TTC39A: variants seen among roughly 807,000 people sequenced by gnomAD.
TTC39A encodes the protein tetratricopeptide repeat protein 39A.
A neutral mutation model predicts 82.3 loss-of-function variants in TTC39A; 46 were observed. The observed-to-expected ratio is 0.56, with a 90% confidence interval of 0.44 to 0.71. The LOEUF is 0.71. Ranked by LOEUF, TTC39A falls within the 30% of genes least tolerant of loss-of-function variation. The pLI is 0.00. For missense variants in TTC39A, 543 were observed against 712.9 expected, an observed-to-expected ratio of 0.76 and a Z score of 2.71; for synonymous variants, 254 against 275.2, an observed-to-expected ratio of 0.92 and a Z score of 0.76.
chr1:51,334,279 G>A (rs1307672138), upstream of TTC39A, among the ~76,000 whole-genome samples: 2 of 151,814 alleles, frequency 1.3e-5, no homozygotes, highest in Non-Finnish European at 2.9e-5. Context: ...TGAGGTGGGC[G>A]GATCACCTGA....
intron 6 of TTC39A, among the ~76,000 whole-genome samples, chr1:51,308,329 T>A: frequency 6.7e-6 from 1 of 149,430 alleles, no homozygotes; most frequent in East Asian, 2.1e-4. Context: ...AACCTCCGCC[T>A]CCCTGGTTCA....
rs769403298 is a variant in TTC39A at position 51,321,704 on chromosome 1, C to A, written c.146+17G>T. The A allele has an allele frequency of 1.1e-5, 17 of 1,612,148 alleles. No homozygotes were observed. Among genetic ancestry groups the A allele is most frequent in the Admixed American group, 3.3e-5 (2 of 59,850 alleles). On this transcript the variant is annotated intron_variant, in intron 2 of 17. Transcript: ENST00000680483. The surrounding 1 kb of genome is among the most constrained non-coding windows in gnomAD (Gnocchi z 4.6). ...CGTCATGCACACCCCCTACCCCAAC[C>A]GGGGCTTGAGCCTCACCTGGGCTTG...
Position 51,305,289 on chromosome 1 carries a change from G to A in TTC39A, c.589-143C>T, listed in dbSNP as rs1442128118. The A allele has an allele frequency of 1.2e-5, 9 of 735,292 alleles. No individual in the cohort carries two copies. The South Asian group carries it at 1.5e-4, about 12-fold the overall frequency. The allele number at this position is 735,292 out of a possible 1,614,324, so 45.5% of individuals were successfully genotyped here. A position where few individuals can be genotyped will look rare whatever the true frequency, so the allele number is the denominator to read the frequency against. On this transcript the variant is annotated intron_variant, in intron 7 of 17. Coordinates refer to ENST00000680483, the MANE Select transcript of TTC39A (RefSeq NM_001297663.2). ...CTAACTTTGAAAGCCTCTAGCCAAT[G>A]TTTTCCAAAGCTCGGGCAGTAGATG...
Position 51,288,988 on chromosome 1 carries a change from C to A in TTC39A, c.1494-33G>T. 1 of 1,538,672 alleles carries A rather than the reference C, an allele frequency of 6.5e-7. No homozygotes were observed. Among genetic ancestry groups the A allele is most frequent in the East Asian group, 2.4e-5 (1 of 41,968 alleles). ...ACAGAGGACATGGCTCAGGTTCCTCCTCCTGAGCCTCTCCCAAACTGCATG... is the reference window on the plus strand; with the variant it reads ...ACAGAGGACATGGCTCAGGTTCCTCATCCTGAGCCTCTCCCAAACTGCATG... On this transcript the variant is annotated intron_variant, in intron 16 of 17. Transcript: ENST00000680483. The surrounding 1 kb of genome is among the most constrained non-coding windows in gnomAD (Gnocchi z 4.8).
chr1:51,296,306 T>A, intron 12 of TTC39A, 136 bp from the exon 13 acceptor site: 1 of 837,938 alleles, frequency 1.2e-6, no homozygotes. Context: ...GAAATGAAGG[T>A]AAGAAGCTGA....
intron 12 of TTC39A, 70 bp from the exon 13 acceptor site, chr1:51,296,240 G>A: frequency 6.8e-7 from 1 of 1,467,796 alleles, no homozygotes; most frequent in Non-Finnish European, 9.3e-7. Flanking sequence ...GGAATCTGCA[G>A]ACGGACCTCA....
At position 51,288,193 on chromosome 1, in the gene TTC39A, G is replaced by A; in HGVS notation, c.1698C>T (p.Asn566=). The change falls in exon 18 of 18, where the codon AAC becomes AAT. Residue 566 remains asparagine (N), a synonymous_variant. Coordinates refer to ENST00000680483, the MANE Select transcript of TTC39A (RefSeq NM_001297663.2). This position sits in a 1 kb window ranked among gnomAD's most constrained non-coding sequence, Gnocchi z 4.8. The stretch of plus-strand genomic sequence containing the variant: ...CTGATGAGACCATGGATCTGCTGCT[G>A]TTCTCTAGGGAAGACTTGGCTTGGA... ...ATLQAKSSLE[N]SSRSMVSSVS... The A allele has an allele frequency of 1.2e-6, 2 of 1,614,066 alleles. No individual in the cohort carries two copies. Among genetic ancestry groups the A allele is most frequent in the African/African-American group, 1.3e-5 (1 of 75,056 alleles).
chr1:51,325,037 C>T (rs111544455), intron 1 of TTC39A, among the ~76,000 whole-genome samples: 1 of 150,940 alleles, frequency 6.6e-6, no homozygotes, highest in Non-Finnish European at 1.5e-5. Context: ...GGCGGATCAC[C>T]TGAGGTCAGG....
At chr1:51,308,200 T>C (rs1644943788) in intron 6 of TTC39A, among the ~76,000 whole-genome samples, 1 of 152,058 alleles carries the variant, frequency 6.6e-6, no homozygotes, top group Non-Finnish European at 1.5e-5. Context: ...CTCTTCATAT[T>C]TCAAACCTTA....
At chr1:51,338,801 C>A (rs1355703581) in intron 1 of TTC39A, among the ~76,000 whole-genome samples, 1 of 151,936 alleles carries the variant, frequency 6.6e-6, no homozygotes, top group Admixed American at 6.6e-5. Context: ...CAAGGTTTCA[C>A]CATGTTGTCC....
chr1:51,303,677 C>G (rs1013381778), intron 8 of TTC39A, among the ~76,000 whole-genome samples: 1 of 152,214 alleles, frequency 6.6e-6, no homozygotes, highest in African/African-American at 2.4e-5. Flanking sequence ...GTCTCTGCCC[C>G]TCTGTCTGTC....
At chr1:51,320,391 CTTTTCTTT>C (rs1235914834) in intron 2 of TTC39A, among the ~76,000 whole-genome samples, 18 of 142,514 alleles carry the variant, frequency 1.3e-4, no homozygotes, top group Non-Finnish European at 6.2e-5. Context: ...TCTTTCTTTT[CTTTTCTTT>C]TTTTCTTTTT....
intron 14 of TTC39A, among the ~76,000 whole-genome samples, chr1:51,291,935 G>A (rs755702701): frequency 6.6e-6 from 1 of 152,228 alleles, no homozygotes; most frequent in Non-Finnish European, 1.5e-5. Flanking sequence ...GCTTACGCCT[G>A]TAATTCCAGC....
At chr1:51,340,428 C>T (rs1646020633) in intron 1 of TTC39A, among the ~76,000 whole-genome samples, 1 of 152,134 alleles carries the variant, frequency 6.6e-6, no homozygotes, top group Admixed American at 6.5e-5. Context: ...GCAGGGTGCT[C>T]CAAATATATC....
At position 51,321,648 on chromosome 1, in the gene TTC39A, C is replaced by G. The variant is rs1645522920; in HGVS notation, c.146+73G>C. 1 of 1,403,198 alleles carries G rather than the reference C, an allele frequency of 7.1e-7. No individual in the cohort carries two copies. Among genetic ancestry groups the G allele is most frequent in the Non-Finnish European group, 9.9e-7 (1 of 1,005,778 alleles). 86.9% of individuals were successfully genotyped at this position (1,403,198 alleles called of 1,614,324 possible). A position where few individuals can be genotyped will look rare whatever the true frequency, so the allele number is the denominator to read the frequency against. On this transcript the variant is annotated intron_variant, in intron 2 of 17. Transcript: ENST00000680483. This position sits in a 1 kb window ranked among gnomAD's most constrained non-coding sequence, Gnocchi z 4.6. ...AAAGGCATTTAGTTACACAGGGTTC[C>G]TCTCATACAAGACCTCTGGTTCTCC...
upstream of TTC39A, among the ~76,000 whole-genome samples, chr1:51,332,260 C>T (rs1315747094): frequency 2.0e-5 from 3 of 152,150 alleles, no homozygotes; most frequent in Admixed American, 6.5e-5. Flanking sequence ...TTTTTATTTT[C>T]TCTTTTTTTT....
At chr1:51,322,035 G>A (rs1645545067) in intron 1 of TTC39A, 3 of 1,507,584 alleles carry the variant, frequency 2.0e-6, no homozygotes, top group Non-Finnish European at 2.7e-6. Flanking sequence ...GGGAGCAGAA[G>A]GGAATGTCAT....
At chr1:51,344,944 T>C (rs1355886115) in intron 1 of TTC39A, 2 of 1,525,350 alleles carry the variant, frequency 1.3e-6, no homozygotes. Flanking sequence ...CGGCGGCCCC[T>C]TGGTCCCGTC....
intron 8 of TTC39A, among the ~76,000 whole-genome samples, chr1:51,304,669 C>A (rs1644804104): frequency 6.6e-6 from 1 of 152,236 alleles, no homozygotes; most frequent in African/African-American, 2.4e-5. Flanking sequence ...CCCAGTAGGG[C>A]TTCCCTCAGG....
Sources: allele counts gnomAD v4.1 joint callset (sites outside exome capture counted in the v4.1 genomes callset), GRCh38; gene constraint gnomAD v4.1.1; non-coding constraint Gnocchi (gnomAD v3.1); transcripts MANE v1.5; gene names NCBI Gene and HGNC (gene_info 2026-07-23, HGNC 2026-07-21).